Variants in RPS6KA3 observed in about 807,000 individuals in gnomAD.
The protein encoded by RPS6KA3 is ribosomal protein S6 kinase alpha-3.
RPS6KA3 carries 4 observed loss-of-function variants against 67.2 expected under a neutral mutation model. The observed-to-expected ratio is 0.06, with a 90% CI of 0.03 to 0.14. The LOEUF (loss-of-function observed/expected upper bound fraction) is 0.14, where lower values mean the gene tolerates loss of function less well. RPS6KA3 is among the 10% of genes least tolerant of loss of function. The pLI is 1.00. For synonymous variants in RPS6KA3, 182 were observed against 183.7 expected (o/e 0.99, Z 0.07); for missense variants, 204 against 559.0 (o/e 0.36, Z 6.40).
chrX:20,160,934 C>T (rs963954822), intron 20 of RPS6KA3, among the ~76,000 whole-genome samples: 1 of 107,842 alleles, frequency 9.3e-6, no homozygotes, highest in African/African-American at 3.6e-5. Flanking sequence ...TCTTTATCTA[C>T]TCTGTTTTTA....
chrX:20,165,922 G>A lies in RPS6KA3; in HGVS notation c.1603-862C>T, dbSNP rs183092357. 6.9e-3 allele frequency among the ~76,000 whole-genome samples: 763 copies of A among 111,270 alleles called. 3 individuals are homozygous for A. Among genetic ancestry groups the A allele is most frequent in the Admixed American group, 0.014 (143 of 10,422 alleles). ...TCCTGAAATTGAGGATAATACCGAA[G>A]TCTCTCTATATTTTTTCCTAGATAT... On this transcript the variant is annotated intron_variant, in intron 17 of 21. Transcript: ENST00000379565.
chrX:20,241,693 G>T (rs1384743992), intron 1 of RPS6KA3: 1 of 110,077 alleles, frequency 9.1e-6, no homozygotes, highest in African/African-American at 3.3e-5. Context: ...AATCCTACAA[G>T]CATACAAGCA....
chrX:20,252,330 C>A (rs2069896227), intron 1 of RPS6KA3, among the ~76,000 whole-genome samples: 1 of 111,264 alleles, frequency 9.0e-6, no homozygotes, highest in South Asian at 3.7e-4. Flanking sequence ...ACTCATGTTG[C>A]GATTTTCCTG....
chrX:20,181,121 A>G (rs1603423467), intron 10 of RPS6KA3, among the ~76,000 whole-genome samples: 1 of 112,213 alleles, frequency 8.9e-6, no homozygotes, highest in Non-Finnish European at 1.9e-5. Flanking sequence ...AATTAAGTAG[A>G]TATGTCTGGA....
intron 2 of RPS6KA3, among the ~76,000 whole-genome samples, chrX:20,212,671 C>T (rs1474646180): frequency 3.7e-5 from 4 of 109,328 alleles, no homozygotes; most frequent in East Asian, 2.9e-4. Flanking sequence ...CCCAGGAGGT[C>T]GAGGCTACAG....
chrX:20,204,002 C>T lies in RPS6KA3; in HGVS notation c.325+20G>A, dbSNP rs1431862134. On this transcript the variant is annotated intron_variant, in intron 4 of 21. Transcript: ENST00000379565. ...GTTTGTTTAGACTACATGAACATTACAAATAGCAGCAACACTTACCTTTCA... is the reference window on the plus strand; with the variant it reads ...GTTTGTTTAGACTACATGAACATTATAAATAGCAGCAACACTTACCTTTCA... The T allele has an allele frequency of 1.7e-6, 2 of 1,150,630 alleles. No homozygotes were observed. Among genetic ancestry groups the T allele is most frequent in the Non-Finnish European group, 1.2e-6 (1 of 839,797 alleles). 94.8% of individuals were successfully genotyped at this position (1,150,630 alleles called of 1,213,427 possible).
chrX:20,170,058 G>C (rs2067534884), intron 15 of RPS6KA3, among the ~76,000 whole-genome samples: 1 of 112,162 alleles, frequency 8.9e-6, no homozygotes, highest in Admixed American at 9.5e-5. Flanking sequence ...AAGCTACATA[G>C]AAAATCATAC....
intron 1 of RPS6KA3, among the ~76,000 whole-genome samples, chrX:20,245,848 G>A (rs1456260627): frequency 2.7e-5 from 3 of 111,269 alleles, no homozygotes; most frequent in African/African-American, 9.8e-5. Context: ...GGCCAGGCGC[G>A]GTGGCTCACA....
intron 7 of RPS6KA3, 148 bp from the exon 8 acceptor site, chrX:20,188,682 A>G (rs1361662804): frequency 2.4e-6 from 1 of 410,662 alleles, no homozygotes; most frequent in Non-Finnish European, 4.4e-6. Flanking sequence ...GCAAAGGAGG[A>G]ACAAATTATT....
In RPS6KA3 at chrX:20,176,350, T is replaced by A; in HGVS notation, c.1002A>T (p.Lys334Asn). The change falls in exon 13 of 22, where the codon AAA (lysine) becomes AAT (asparagine). Residue 334 changes from lysine (K) to asparagine (N), a missense_variant and splice_region_variant. Transcript: ENST00000379565. ...HSFFSTIDWN[K>N]LYRREIHPPF... ...GCGGATGAATTTCTCTTCTATACAG[T>A]TTCTGGAGGGGAAAAAAAAAAGAGA... The A allele has an allele frequency of 8.6e-7, 1 of 1,162,029 alleles. No individual in the cohort carries two copies. The highest frequency in any genetic ancestry group is 1.2e-6 in the Non-Finnish European group (1 of 851,720).
In RPS6KA3 at chrX:20,234,761, T is replaced by G. The variant is rs751040058; in HGVS notation, c.123A>C (p.Gln41His). Residue 41 changes from glutamine (Q) to histidine (H), a missense_variant, in exon 2 of 22, where the codon CAA (glutamine) becomes CAC (histidine). This residue lies in a region of RPS6KA3 where 31 missense variants were observed against 42.5 expected (regional missense o/e 0.73). Coordinates refer to ENST00000379565, the MANE Select transcript of RPS6KA3 (RefSeq NM_004586.3). ...EPMGEEEINP[Q>H]TEEVSIKEIA... Reference sequence around the variant, plus strand: ...TGTGATAAAATATTTTACTTACAGTTTGTGGGTTAATCTCCTCCTCTCCCA... The same window carrying G: ...TGTGATAAAATATTTTACTTACAGTGTGTGGGTTAATCTCCTCCTCTCCCA... 3.4e-6 allele frequency: 4 copies of G among 1,164,294 alleles called. No individual in the cohort carries two copies. The African/African-American group carries it at 7.1e-5, about 21-fold the overall frequency.
chrX:20,189,827 T>G (rs1390090101), intron 7 of RPS6KA3, among the ~76,000 whole-genome samples: 5 of 112,300 alleles, frequency 4.5e-5, no homozygotes, highest in Non-Finnish European at 9.4e-5. Context: ...ATTACCAATC[T>G]TTCTATTTCA....
chrX:20,183,232 C>T (rs1603423955), intron 10 of RPS6KA3, among the ~76,000 whole-genome samples: 1 of 110,514 alleles, frequency 9.0e-6, no homozygotes, highest in African/African-American at 3.3e-5. Context: ...TTTTGAGACA[C>T]GATCTTGCTC....
chrX:20,221,918 A>G (rs1271856663), intron 2 of RPS6KA3, among the ~76,000 whole-genome samples: 1 of 112,590 alleles, frequency 8.9e-6, no homozygotes, highest in Non-Finnish European at 1.9e-5. Context: ...AACCTGAATA[A>G]TAAGGAAGGA....
chrX:20,177,527 G>T (rs948524733), intron 10 of RPS6KA3, among the ~76,000 whole-genome samples: 7 of 112,653 alleles, frequency 6.2e-5, no homozygotes, highest in African/African-American at 2.3e-4. Context: ...ACACATAACT[G>T]AATTTTAGTT....
chrX:20,193,383 A>G, intron 7 of RPS6KA3, 104 bp downstream of exon 7: 2 of 499,323 alleles, frequency 4.0e-6, no homozygotes, highest in Non-Finnish European at 3.5e-6. Flanking sequence ...AAGCACAGGC[A>G]CGCTAGTGCA....
At chrX:20,190,869 C>CTTTTTTT (rs1209937034) in intron 7 of RPS6KA3, among the ~76,000 whole-genome samples, 1 of 102,913 alleles carries the variant, frequency 9.7e-6, no homozygotes. Context: ...TTTGTACTAA[C>CTTTTTTT]TTTTTTTTTT....
At chrX:20,252,411 CTT>C (rs112131153) in intron 1 of RPS6KA3, among the ~76,000 whole-genome samples, 3 of 103,400 alleles carry the variant, frequency 2.9e-5, no homozygotes, top group Non-Finnish European at 6.0e-5. Flanking sequence ...CCTATTTAAT[CTT>C]TTTTTTTTTT....
chrX:20,185,522 G>A (rs1349739096), intron 10 of RPS6KA3, among the ~76,000 whole-genome samples: 1 of 111,125 alleles, frequency 9.0e-6, no homozygotes, highest in African/African-American at 3.3e-5. Flanking sequence ...AAGTAGCTGG[G>A]ACTACAGGTG....
Sources: allele counts gnomAD v4.1 joint callset (sites outside exome capture counted in the v4.1 genomes callset), GRCh38; gene constraint gnomAD v4.1.1; regional missense constraint gnomAD v4.1.1; transcripts MANE v1.5; gene names NCBI Gene and HGNC (gene_info 2026-07-23, HGNC 2026-07-21).